The following SLC24A2 variants were observed in gnomAD, a reference collection of about 807,000 sequenced individuals.
The protein encoded by SLC24A2 is sodium/potassium/calcium exchanger 2.
A neutral mutation model predicts 62.0 loss-of-function variants in SLC24A2; 36 were observed. The observed-to-expected ratio is 0.58, with a 90% CI of 0.44 to 0.77. SLC24A2 has a LOEUF of 0.77. Among genes scored for constraint, SLC24A2 ranks in the 30% least tolerant of loss-of-function variants. The pLI is 0.00. For synonymous variants in SLC24A2, 358 were observed against 294.0 expected (o/e 1.22, Z -2.23); for missense variants, 846 against 817.9 (o/e 1.03, Z -0.42).
the SLC24A2 span, among the ~76,000 whole-genome samples, chr9:19,977,200 T>C: frequency 6.6e-6 from 1 of 151,378 alleles, no homozygotes; most frequent in African/African-American, 2.4e-5. Context: ...AAAATGGAAA[T>C]TGGTGATTCT....
chr9:19,648,402 G>A (rs1166579543), intron 2 of SLC24A2, among the ~76,000 whole-genome samples: 1 of 152,164 alleles, frequency 6.6e-6, no homozygotes, highest in Non-Finnish European at 1.5e-5. Flanking sequence ...TGAAATCTAA[G>A]CACCCAAAGG....
At chr9:20,107,540 G>A in the SLC24A2 span, among the ~76,000 whole-genome samples, 513 of 152,086 alleles carry the variant, frequency 3.4e-3, 5 homozygotes, top group East Asian at 0.02. Flanking sequence ...AAATAATGCC[G>A]CATATCTACA....
At chr9:20,015,388 T>C in the SLC24A2 span, among the ~76,000 whole-genome samples, 48 of 152,272 alleles carry the variant, frequency 3.2e-4, no homozygotes, top group African/African-American at 9.9e-4. Context: ...CAGGAGTTAA[T>C]TGAAGGAGGA....
chr9:20,085,719 A>G, the SLC24A2 span, among the ~76,000 whole-genome samples: 1 of 152,214 alleles, frequency 6.6e-6, no homozygotes, highest in African/African-American at 2.4e-5. Flanking sequence ...TAACTATGCT[A>G]TTGTATTTGA....
rs577874418 is a variant in SLC24A2 at position 19,734,413 on chromosome 9, T to C, written c.930+51524A>G. Among the ~76,000 whole-genome samples the C allele has an allele frequency of 2.0e-5, 3 of 152,318 alleles. No homozygotes were observed. In the East Asian group the frequency reaches 5.8e-4, roughly 29 times the overall value. On this transcript the variant is annotated intron_variant, in intron 2 of 10. Coordinates refer to ENST00000341998, the MANE Select transcript of SLC24A2 (RefSeq NM_020344.4). ...TGAACTTTAAAGTAGTTTTTTCCAA[T>C]TCTGTGAAGAAAGGCATTGGTAGCT...
intron 2 of SLC24A2, among the ~76,000 whole-genome samples, chr9:19,717,714 G>C (rs79987886): frequency 0.01 from 1,591 of 152,184 alleles, 14 homozygotes; most frequent in Middle Eastern, 0.031. Context: ...TTTTTTAGCT[G>C]ACTTTTAAAT....
At chr9:19,658,889 G>A (rs1819014437) in intron 2 of SLC24A2, among the ~76,000 whole-genome samples, 1 of 152,180 alleles carries the variant, frequency 6.6e-6, no homozygotes, top group Non-Finnish European at 1.5e-5. Context: ...GTATCAGAGG[G>A]TTCCAGTTTC....
At chr9:19,961,107 G>C in the SLC24A2 span, among the ~76,000 whole-genome samples, 1 of 145,780 alleles carries the variant, frequency 6.9e-6, no homozygotes, top group African/African-American at 2.6e-5. Flanking sequence ...AGGAGAGAGA[G>C]ACAGAAGAAA....
chr9:20,304,239 C>T, the SLC24A2 span, among the ~76,000 whole-genome samples: 2 of 152,112 alleles, frequency 1.3e-5, no homozygotes, highest in Non-Finnish European at 2.9e-5. Flanking sequence ...GATGCTCTGT[C>T]CCTCACTGCC....
chr9:20,229,671 A>G, the SLC24A2 span, among the ~76,000 whole-genome samples: 25 of 151,944 alleles, frequency 1.6e-4, no homozygotes, highest in African/African-American at 6.0e-4. Flanking sequence ...TTTTGCATCA[A>G]AGCATTTATC....
intron 2 of SLC24A2, among the ~76,000 whole-genome samples, chr9:19,745,133 C>A (rs1280062999): frequency 3.9e-5 from 6 of 152,036 alleles, no homozygotes; most frequent in Non-Finnish European, 8.8e-5. Flanking sequence ...GAGATCTGGT[C>A]ATTTAAGATT....
rs564642266 is a variant in SLC24A2, at chr9:19,727,701, T to G, written c.930+58236A>C. On this transcript the variant is annotated intron_variant, in intron 2 of 10. Transcript: ENST00000341998. ...TAAATCCTTTTCCAGAAGAAAGAAC[T>G]TTTTAAAATTAATTTATCTTAAGTG... Among the ~76,000 whole-genome samples the G allele has an allele frequency of 3.9e-5, 6 of 152,196 alleles. No individual in the cohort carries two copies. In the East Asian group the frequency reaches 1.2e-3, roughly 29 times the overall value.
At chr9:19,799,137 T>G in the SLC24A2 span, among the ~76,000 whole-genome samples, 1 of 152,180 alleles carries the variant, frequency 6.6e-6, no homozygotes, top group Non-Finnish European at 1.5e-5. Flanking sequence ...CTATTTGTTT[T>G]CTTATATTCA....
intron 2 of SLC24A2, among the ~76,000 whole-genome samples, chr9:19,717,253 G>A (rs1820886522): frequency 6.6e-6 from 1 of 152,138 alleles, no homozygotes; most frequent in Non-Finnish European, 1.5e-5. Context: ...TATTGTGCTG[G>A]TTCACTGATT....
At chr9:20,020,323 A>G in the SLC24A2 span, among the ~76,000 whole-genome samples, 1 of 152,242 alleles carries the variant, frequency 6.6e-6, no homozygotes, top group Non-Finnish European at 1.5e-5. Context: ...AACCAACCCA[A>G]ATGTCCATCA....
the SLC24A2 span, among the ~76,000 whole-genome samples, chr9:20,134,974 C>G: frequency 6.6e-6 from 1 of 152,110 alleles, no homozygotes; most frequent in Non-Finnish European, 1.5e-5. Context: ...TCTCAGGCAC[C>G]ACATTATGTG....
the SLC24A2 span, among the ~76,000 whole-genome samples, chr9:20,199,764 G>C: frequency 6.7e-6 from 1 of 148,960 alleles, no homozygotes; most frequent in African/African-American, 2.5e-5. Context: ...TGTTGCCCAA[G>C]CTGGAGTGCA....
At chr9:19,841,258 A>G in the SLC24A2 span, among the ~76,000 whole-genome samples, 1 of 152,186 alleles carries the variant, frequency 6.6e-6, no homozygotes, top group Non-Finnish European at 1.5e-5. Context: ...ATATGTCAAT[A>G]AGTGTTATGG....
chr9:20,213,259 A>G, the SLC24A2 span, among the ~76,000 whole-genome samples: 9 of 151,944 alleles, frequency 5.9e-5, no homozygotes, highest in Admixed American at 5.2e-4. Context: ...ATTTAAAGAA[A>G]AAGTAAAAAC....
Sources: gnomAD v4.1 joint callset for allele counts (sites outside exome capture counted in the v4.1 genomes callset) on GRCh38, gnomAD v4.1.1 for gene constraint, MANE v1.5 for transcripts, NCBI Gene and HGNC (gene_info 2026-07-23, HGNC 2026-07-21) for gene names.